The following KLRG1 variants were observed in gnomAD, a reference collection of about 807,000 sequenced individuals.
KLRG1 encodes killer cell lectin-like receptor subfamily G member 1.
Under a neutral mutation model 21.8 loss-of-function variants are expected in KLRG1, and 16 were observed. The ratio of observed to expected loss-of-function variants is 0.73; its 90% CI spans 0.50 to 1.11. The LOEUF (loss-of-function observed/expected upper bound fraction) is 1.11, where lower values mean the gene tolerates loss of function less well. KLRG1 is among the 50% of genes most tolerant of loss of function. The probability of loss-of-function intolerance (pLI) is 0.00; values close to 1 mark genes in which losing one functional copy is unlikely to be tolerated. For missense variants in KLRG1, 173 were observed against 218.3 expected (o/e 0.79, Z 1.31); for synonymous variants, 69 against 75.9 (o/e 0.91, Z 0.47).
chr12:9,115,663 A>G, the KLRG1 span: 1 of 845,760 alleles, frequency 1.2e-6, no homozygotes, highest in South Asian at 1.6e-5. Flanking sequence ...AGATAAGAAG[A>G]TGACAGTATC....
At chr12:9,212,187 C>T in the KLRG1 span, among the ~76,000 whole-genome samples, 5 of 152,160 alleles carry the variant, frequency 3.3e-5, no homozygotes, top group African/African-American at 9.7e-5. Context: ...TCAGGCCTGC[C>T]TCTGGGTTCA....
chr12:8,999,692 A>G (rs1947248306), intron 3 of KLRG1, among the ~76,000 whole-genome samples: 1 of 152,098 alleles, frequency 6.6e-6, no homozygotes, highest in African/African-American at 2.4e-5. Context: ...AACTTCAACA[A>G]CTTTCTTAAC....
chr12:8,977,805 A>G lies in KLRG1; in HGVS notation c.-155-14401A>G, dbSNP rs756393542. On this transcript the variant is annotated intron_variant, in intron 1 of 4. Coordinates refer to the KLRG1 transcript ENST00000539240. Reference sequence around the variant, plus strand: ...TATTTTGAGTTGATAATTTAATTGCATACAAATCTGTACAGTGTTGCTTCC... The same window carrying G: ...TATTTTGAGTTGATAATTTAATTGCGTACAAATCTGTACAGTGTTGCTTCC... Among the ~76,000 whole-genome samples, 3 of 152,260 alleles carry G rather than the reference A, an allele frequency of 2.0e-5. No individual in the cohort carries two copies. In the South Asian group the frequency reaches 6.2e-4, roughly 31 times the overall value.
At chr12:9,102,157 G>A in the KLRG1 span, among the ~76,000 whole-genome samples, 1 of 152,200 alleles carries the variant, frequency 6.6e-6, no homozygotes, top group Non-Finnish European at 1.5e-5. Flanking sequence ...ATTGGTTTAA[G>A]AGCTGAGCTG....
the KLRG1 span, among the ~76,000 whole-genome samples, chr12:9,054,280 A>G: frequency 6.6e-6 from 1 of 152,132 alleles, no homozygotes; most frequent in African/African-American, 2.4e-5. Flanking sequence ...AAGTTTGGTG[A>G]TGTTTCTGTG....
intron 1 of KLRG1, 78 bp from the exon 2 acceptor site, chr12:8,992,128 C>A: frequency 8.1e-7 from 1 of 1,228,326 alleles, no homozygotes; most frequent in Non-Finnish European, 1.2e-6. Context: ...CTTTAAGATG[C>A]GATATCCTTC....
chr12:9,151,826 T>C, the KLRG1 span, among the ~76,000 whole-genome samples: 1 of 152,204 alleles, frequency 6.6e-6, no homozygotes, highest in Non-Finnish European at 1.5e-5. Flanking sequence ...TTCTTCAATA[T>C]CCAAGTAACA....
chr12:9,097,581 C>T, the KLRG1 span, among the ~76,000 whole-genome samples: 1 of 151,526 alleles, frequency 6.6e-6, no homozygotes, highest in East Asian at 1.9e-4. Context: ...CATATGTTCC[C>T]TCAGAAATTA....
chr12:9,128,242 A>T, the KLRG1 span: 1 of 177,036 alleles, frequency 5.6e-6, no homozygotes, highest in Non-Finnish European at 1.2e-5. Context: ...GCAACACGTG[A>T]AGCCAGTATG....
the KLRG1 span, chr12:9,072,562 G>A: frequency 6.3e-7 from 1 of 1,599,000 alleles, no homozygotes; most frequent in Non-Finnish European, 8.5e-7. Context: ...CCCTTTCTCT[G>A]ATCTGTCCCA....
chr12:9,162,498 C>T, the KLRG1 span: 3 of 838,244 alleles, frequency 3.6e-6, no homozygotes, highest in Admixed American at 2.2e-5. Flanking sequence ...TCATGGAACA[C>T]TCTGAAAACT....
downstream of KLRG1, among the ~76,000 whole-genome samples, chr12:9,013,312 C>T (rs962668363): frequency 2.0e-5 from 3 of 152,148 alleles, no homozygotes; most frequent in African/African-American, 7.2e-5. Context: ...AATGACCAGA[C>T]ACAAATAAAC....
the KLRG1 span, among the ~76,000 whole-genome samples, chr12:9,081,234 G>C: frequency 6.6e-6 from 1 of 151,976 alleles, no homozygotes; most frequent in South Asian, 2.1e-4. Context: ...CAAAAATAAG[G>C]TCATCCTTGT....
the KLRG1 span, among the ~76,000 whole-genome samples, chr12:9,130,472 T>C: frequency 6.6e-6 from 1 of 152,202 alleles, no homozygotes; most frequent in South Asian, 2.1e-4. Context: ...CTTTCTGTTT[T>C]TTTTTTATAG....
chr12:9,189,117 C>T, the KLRG1 span, among the ~76,000 whole-genome samples: 85,027 of 152,008 alleles, frequency 0.56, 23,819 homozygotes, highest in Admixed American at 0.63. Context: ...AAACTACCAA[C>T]GACATCCTTC....
chr12:9,214,910 A>T, the KLRG1 span, among the ~76,000 whole-genome samples: 50 of 152,074 alleles, frequency 3.3e-4, no homozygotes, highest in East Asian at 3.9e-4. Flanking sequence ...TTAAAAAAAA[A>T]TTTTTAAGTC....
chr12:9,039,119 A>G, the KLRG1 span, among the ~76,000 whole-genome samples: 2 of 152,252 alleles, frequency 1.3e-5, no homozygotes, highest in African/African-American at 4.8e-5. Flanking sequence ...AATTCTGTTC[A>G]TTCAATAAGT....
At chr12:9,032,910 C>CT in the KLRG1 span, among the ~76,000 whole-genome samples, 1 of 152,172 alleles carries the variant, frequency 6.6e-6, no homozygotes, top group African/African-American at 2.4e-5. Context: ...TTCTCTAGCC[C>CT]TCTGACCACC....
the KLRG1 span, chr12:9,070,667 T>A: frequency 1.2e-6 from 1 of 861,786 alleles, no homozygotes; most frequent in Non-Finnish European, 1.8e-6. Context: ...TCCACAGCTC[T>A]AAAAGGTACA....
Sources: allele counts gnomAD v4.1 joint callset (sites outside exome capture counted in the v4.1 genomes callset), GRCh38; gene constraint gnomAD v4.1.1; transcripts MANE v1.5; gene names NCBI Gene and HGNC (gene_info 2026-07-23, HGNC 2026-07-21).